Variants in HOMER2 observed in about 807,000 individuals in gnomAD.
The protein encoded by HOMER2 is homer scaffold protein 2.
In HOMER2, 27 loss-of-function variants were observed where a neutral mutation model predicts 47.0. The observed-to-expected ratio is 0.57, with a 90% CI of 0.42 to 0.79. HOMER2 has a LOEUF of 0.79. Among genes scored for constraint, HOMER2 ranks in the 30% least tolerant of loss-of-function variants. The pLI, the probability that HOMER2 is intolerant of heterozygous loss-of-function variation, is 0.00. For missense variants in HOMER2, 443 were observed against 435.0 expected, an observed-to-expected ratio of 1.02 and a Z score of -0.16; for synonymous variants, 161 against 163.8, an observed-to-expected ratio of 0.98 and a Z score of 0.13.
intron 1 of HOMER2, among the ~76,000 whole-genome samples, chr15:82,910,526 T>C (rs2053422285): frequency 6.6e-6 from 1 of 152,196 alleles, no homozygotes; most frequent in Admixed American, 6.5e-5. Context: ...TGCCTTAATG[T>C]CAGCAAGGGT....
intron 1 of HOMER2, among the ~76,000 whole-genome samples, chr15:82,946,566 T>C (rs2054387028): frequency 6.6e-6 from 1 of 152,158 alleles, no homozygotes; most frequent in African/African-American, 2.4e-5. Flanking sequence ...TCCTCCTTCT[T>C]TCAGCTCTTT....
intron 3 of HOMER2, among the ~76,000 whole-genome samples, chr15:82,868,523 T>TTATATATATA (rs1244361918): frequency 0.031 from 1,151 of 36,564 alleles, 122 homozygotes; most frequent in South Asian, 0.05. Flanking sequence ...CTTATTTATT[T>TTATATATATA]TATATATATA....
At chr15:82,864,303 C>A in intron 3 of HOMER2, 44 bp from the exon 4 acceptor site, 1 of 1,368,382 alleles carries the variant, frequency 7.3e-7, no homozygotes, top group South Asian at 1.2e-5. Flanking sequence ...TAACCTCACT[C>A]ATGGCTGGTA....
intron 1 of HOMER2, among the ~76,000 whole-genome samples, chr15:82,933,933 C>T (rs1357974473): frequency 6.6e-6 from 1 of 152,138 alleles, no homozygotes; most frequent in Admixed American, 6.5e-5. Flanking sequence ...TCCCTGCCAC[C>T]CAGCAACACG....
chr15:82,861,676 T>G (rs976106389), intron 4 of HOMER2, among the ~76,000 whole-genome samples: 5 of 152,168 alleles, frequency 3.3e-5, no homozygotes, highest in African/African-American at 1.2e-4. Context: ...TCTAAGAGAT[T>G]CAGGAAACCA....
chr15:82,863,455 C>T (rs1017525929), intron 4 of HOMER2, among the ~76,000 whole-genome samples: 4 of 152,258 alleles, frequency 2.6e-5, no homozygotes, highest in East Asian at 1.9e-4. Flanking sequence ...TCAACGCCTC[C>T]GACAGCACAC....
chr15:82,950,333 C>T (rs1281266938), intron 1 of HOMER2, among the ~76,000 whole-genome samples: 5 of 152,116 alleles, frequency 3.3e-5, no homozygotes, highest in Non-Finnish European at 7.4e-5. Context: ...GGAGGAGAAG[C>T]ATCTCAAGTT....
At chr15:82,921,387 T>G (rs1213577266) in intron 1 of HOMER2, among the ~76,000 whole-genome samples, 1 of 152,116 alleles carries the variant, frequency 6.6e-6, no homozygotes, top group Non-Finnish European at 1.5e-5. Flanking sequence ...TGGCTCCTCC[T>G]CCCCTTCCGG....
chr15:82,916,620 G>A (rs2053596130), intron 1 of HOMER2, among the ~76,000 whole-genome samples: 1 of 152,194 alleles, frequency 6.6e-6, no homozygotes. Flanking sequence ...AACAGAACAG[G>A]TGTGAGGGTG....
intron 1 of HOMER2, among the ~76,000 whole-genome samples, chr15:82,908,784 GAA>G (rs2053364375): frequency 6.6e-6 from 1 of 151,614 alleles, no homozygotes; most frequent in Non-Finnish European, 1.5e-5. Context: ...GGATGAAGGA[GAA>G]AAAAGACTCA....
At chr15:82,893,410 G>A (rs1224666522) in intron 1 of HOMER2, among the ~76,000 whole-genome samples, 4 of 139,390 alleles carry the variant, frequency 2.9e-5, no homozygotes, top group African/African-American at 1.1e-4. Context: ...TCGGCTCACT[G>A]CAATCTCCGC....
intron 1 of HOMER2, among the ~76,000 whole-genome samples, chr15:82,929,913 A>G (rs970562858): frequency 6.6e-6 from 1 of 151,646 alleles, no homozygotes; most frequent in Non-Finnish European, 1.5e-5. Context: ...TATTTTTAGT[A>G]GAGATGGGGC....
intron 1 of HOMER2, among the ~76,000 whole-genome samples, chr15:82,918,275 C>G (rs1422802204): frequency 6.6e-6 from 1 of 152,148 alleles, no homozygotes; most frequent in East Asian, 1.9e-4. Context: ...ACTCCAGCAC[C>G]TGAGGGTACA....
At chr15:82,936,067 G>A (rs974728799) in intron 1 of HOMER2, among the ~76,000 whole-genome samples, 1 of 152,206 alleles carries the variant, frequency 6.6e-6, no homozygotes, top group Non-Finnish European at 1.5e-5. Context: ...GAGACAGGGT[G>A]CCCTCCCCTC....
chr15:82,972,460 C>T (rs1252037250), intron 1 of HOMER2, among the ~76,000 whole-genome samples: 1 of 152,180 alleles, frequency 6.6e-6, no homozygotes, highest in Non-Finnish European at 1.5e-5. Flanking sequence ...AATTCTTCTC[C>T]TGCCTCAGCC....
At chr15:82,980,458 G>A (rs547059272) in intron 1 of HOMER2, among the ~76,000 whole-genome samples, 9 of 152,230 alleles carry the variant, frequency 5.9e-5, no homozygotes, top group African/African-American at 2.2e-4. Flanking sequence ...CCGGCCTAAC[G>A]CTTTCCCCTT....
intron 3 of HOMER2, among the ~76,000 whole-genome samples, chr15:82,866,808 C>A (rs2051983820): frequency 6.6e-6 from 1 of 152,230 alleles, no homozygotes. Flanking sequence ...GATTGTGAGG[C>A]CTTCCCAGCC....
intron 1 of HOMER2, among the ~76,000 whole-genome samples, chr15:82,949,620 G>T (rs543096860): frequency 7.2e-5 from 11 of 152,202 alleles, no homozygotes; most frequent in Admixed American, 7.2e-4. Context: ...GGGTTTGGAT[G>T]TATCTTCTGA....
At chr15:82,958,942 G>A (rs2054608153) in exon 2 of HOMER2, 1 of 152,366 alleles carries the variant, frequency 6.6e-6, no homozygotes, top group Non-Finnish European at 1.5e-5. Context: ...GCTGCCCCAT[G>A]CTCTGAGCTA....
Sources: allele counts gnomAD v4.1 joint callset (sites outside exome capture counted in the v4.1 genomes callset), GRCh38; gene constraint gnomAD v4.1.1; transcripts MANE v1.5; gene names NCBI Gene and HGNC (gene_info 2026-07-23, HGNC 2026-07-21).